Variants in GATA4 observed in about 807,000 individuals in gnomAD.
GATA4 encodes the protein transcription factor GATA-4.
GATA4 carries 7 observed loss-of-function variants against 37.9 expected under a neutral mutation model. The ratio of observed to expected loss-of-function variants is 0.18; its 90% CI spans 0.11 to 0.35. The LOEUF (loss-of-function observed/expected upper bound fraction) is 0.35, where lower values mean the gene tolerates loss of function less well. Among genes scored for constraint, GATA4 ranks in the 10% least tolerant of loss-of-function variants. The pLI, the probability that GATA4 is intolerant of heterozygous loss-of-function variation, is 1.00. For synonymous variants in GATA4, 372 were observed against 292.6 expected (o/e 1.27, Z -2.77); for missense variants, 647 against 653.0 (o/e 0.99, Z 0.10).
rs149873129 is a variant in GATA4 at position 11,741,532 on chromosome 8, G to A, written c.617-7384G>A. Among the ~76,000 whole-genome samples, 143 of 152,222 alleles carry A rather than the reference G, an allele frequency of 9.4e-4. 2 individuals carry two copies. The highest frequency in any genetic ancestry group is 5.0e-3 in the Admixed American group (76 of 15,292). ...GTGAGAGCAATGCAACAGTCCACAA[G>A]TTCGCGGACTTAGCTCTATGGCATT... On this transcript the variant is annotated intron_variant, in intron 2 of 6. Transcript: ENST00000532059.
chr8:11,706,949 A>G (rs1208493221), intron 1 of GATA4, among the ~76,000 whole-genome samples: 1 of 152,206 alleles, frequency 6.6e-6, no homozygotes, highest in Non-Finnish European at 1.5e-5. Flanking sequence ...AAATTGCCTG[A>G]TAATAACAAA....
intron 2 of GATA4, among the ~76,000 whole-genome samples, chr8:11,727,118 G>C (rs1218945471): frequency 6.6e-6 from 1 of 152,216 alleles, no homozygotes; most frequent in Non-Finnish European, 1.5e-5. Flanking sequence ...TTCAGACCCT[G>C]TTTAAAGGCG....
At chr8:11,744,524 A>T (rs1801936154) in intron 2 of GATA4, among the ~76,000 whole-genome samples, 1 of 152,194 alleles carries the variant, frequency 6.6e-6, no homozygotes, top group Non-Finnish European at 1.5e-5. Flanking sequence ...TGCCTTTCGT[A>T]GGAAGGAATG....
chr8:11,707,983 G>A lies in GATA4; in HGVS notation c.-330G>A. On this transcript the variant is annotated 5_prime_UTR_variant, in exon 2 of 7. Coordinates refer to ENST00000532059, the MANE Select transcript of GATA4 (RefSeq NM_001308093.3). This position sits in a 1 kb window ranked among gnomAD's most constrained non-coding sequence, Gnocchi z 4.7. ...AGGCTCGTGCGCCACCTCCAGGCCT[G>A]GACGCTGCCCTCCGTCTTCTGCCCC... The A allele has an allele frequency of 2.6e-6, 1 of 386,784 alleles. No homozygotes were observed. The highest frequency in any genetic ancestry group is 2.1e-5 in the South Asian group (1 of 46,638). The allele number at this position is 386,784 out of a possible 1,614,324, so 24.0% of individuals were successfully genotyped here.
chr8:11,738,741 GTA>G (rs745720078), intron 2 of GATA4, among the ~76,000 whole-genome samples: 2 of 152,204 alleles, frequency 1.3e-5, no homozygotes, highest in Non-Finnish European at 2.9e-5. Flanking sequence ...CTGCGGGGCT[GTA>G]GCATGTCACA....
intron 2 of GATA4, among the ~76,000 whole-genome samples, chr8:11,737,034 T>C (rs1435933669): frequency 1.3e-5 from 2 of 152,072 alleles, no homozygotes; most frequent in African/African-American, 4.8e-5. Flanking sequence ...GACTCCATAT[T>C]TCATGCAAAA....
intron 4 of GATA4, 34 bp downstream of exon 4, chr8:11,750,270 C>T (rs747651446): frequency 4.4e-6 from 7 of 1,609,180 alleles, no homozygotes; most frequent in Admixed American, 3.3e-5. Flanking sequence ...GGCATCCTTG[C>T]CTTCTGATGC....
chr8:11,691,848 A>C (rs4576391), upstream of GATA4, among the ~76,000 whole-genome samples: 141,252 of 152,078 alleles, frequency 0.93, 66,342 homozygotes, highest in East Asian at 1. Context: ...CCAGTACTTA[A>C]GGCACATCTA....
At position 11,709,579 on chromosome 8, in the gene GATA4, G is replaced by A. The variant is rs1354776930; in HGVS notation, c.616+651G>A. ...GTGGGCGCATCATGCGGGCAGCGGG[G>A]GGGGGGGCGCACACGCCCGGTCAGT... On this transcript the variant is annotated intron_variant, in intron 2 of 6. Transcript: ENST00000532059. The surrounding 1 kb of genome is among the most constrained non-coding windows in gnomAD (Gnocchi z 4.3). Among the ~76,000 whole-genome samples, 1 of 151,898 alleles carries A rather than the reference G, an allele frequency of 6.6e-6. No homozygotes were observed. The highest frequency in any genetic ancestry group is 1.5e-5 in the Non-Finnish European group (1 of 67,896).
At chr8:11,738,204 A>G (rs975005766) in intron 2 of GATA4, among the ~76,000 whole-genome samples, 4 of 150,368 alleles carry the variant, frequency 2.7e-5, no homozygotes, top group South Asian at 4.3e-4. Flanking sequence ...AAAAATCACT[A>G]TCACAAATAA....
At chr8:11,692,087 A>G (rs1799330840), upstream of GATA4, 1 of 982,842 alleles carries the variant, frequency 1.0e-6, no homozygotes, top group Non-Finnish European at 1.2e-6. Context: ...GTAGAAAGGG[A>G]AGGTGACAGG....
Position 11,757,065 on chromosome 8 carries a change from C to A in GATA4, c.1131C>A (p.His377Gln), listed in dbSNP as rs116414842. 6.2e-7 allele frequency: 1 copy of A among 1,614,038 alleles called. No homozygotes were observed. The highest frequency in any genetic ancestry group is 1.1e-5 in the South Asian group (1 of 91,086). Residue 377 changes from histidine to glutamine, a missense_variant, in exon 6 of 7, where the codon CAC (histidine) becomes CAA (glutamine). Physicochemically the swap from His to Gln is conservative, Grantham distance 24. Transcript: ENST00000532059. ...TEPGLSSHYG[H>Q]SSSVSQTFSV... ...CTGGCCTGTCATCTCACTACGGGCA[C>A]AGCAGCTCCGTGTCCCAGGTACGCG...
At chr8:11,710,360 G>A (rs1488362718) in intron 2 of GATA4, among the ~76,000 whole-genome samples, 2 of 152,124 alleles carry the variant, frequency 1.3e-5, no homozygotes, top group African/African-American at 4.8e-5. Context: ...ACACAATGGA[G>A]CCCGCAGGCG....
intron 4 of GATA4, among the ~76,000 whole-genome samples, chr8:11,753,546 T>G (rs1346317476): frequency 6.7e-6 from 1 of 148,202 alleles, no homozygotes; most frequent in African/African-American, 2.5e-5. Context: ...GAGGGGGAGA[T>G]TCTTCTGAGG....
intron 2 of GATA4, among the ~76,000 whole-genome samples, chr8:11,742,769 G>A (rs1314571832): frequency 1.3e-5 from 2 of 152,244 alleles, no homozygotes; most frequent in South Asian, 2.1e-4. Context: ...TTTGGGCCTC[G>A]TGCCCCACAC....
At chr8:11,746,211 G>A (rs1802021105) in intron 2 of GATA4, among the ~76,000 whole-genome samples, 2 of 151,480 alleles carry the variant, frequency 1.3e-5, no homozygotes, top group African/African-American at 4.8e-5. Context: ...CTGGGTGACA[G>A]AGTGAGACTC....
At position 11,712,818 on chromosome 8, in the gene GATA4, A is replaced by C. The variant is rs546677552; in HGVS notation, c.616+3890A>C. 1.1e-3 allele frequency among the ~76,000 whole-genome samples: 170 copies of C among 152,204 alleles called. 2 individuals carry two copies. The highest frequency in any genetic ancestry group is 4.0e-3 in the African/African-American group (168 of 41,532). ...TGAGGCTGCAGTGAGCCGTGATTGC[A>C]CCACTGTACTCCTACCTGGAGAACA... On this transcript the variant is annotated intron_variant, in intron 2 of 6. Transcript: ENST00000532059.
intron 1 of GATA4, among the ~76,000 whole-genome samples, chr8:11,698,616 A>G (rs906139666): frequency 6.6e-6 from 1 of 151,738 alleles, no homozygotes; most frequent in Admixed American, 6.6e-5. Flanking sequence ...TCCAGGATTT[A>G]TGGGTTGGGC....
chr8:11,736,428 T>A (rs1299600693), intron 2 of GATA4, among the ~76,000 whole-genome samples: 1 of 152,214 alleles, frequency 6.6e-6, no homozygotes, highest in Non-Finnish European at 1.5e-5. Context: ...TCTACTTGCG[T>A]CTGGAATTGC....
Sources: gnomAD v4.1 joint callset for allele counts (sites outside exome capture counted in the v4.1 genomes callset) on GRCh38, gnomAD v4.1.1 for gene constraint, Gnocchi (gnomAD v3.1) non-coding constraint, MANE v1.5 for transcripts, NCBI Gene and HGNC (gene_info 2026-07-23, HGNC 2026-07-21) for gene names.